The following CEP350 variants were observed in gnomAD, a reference collection of about 807,000 sequenced individuals.
CEP350 encodes centrosome-associated protein 350.
In CEP350, 126 loss-of-function variants were observed where a neutral mutation model predicts 331.8. The ratio of observed to expected loss-of-function variants is 0.38; its 90% CI spans 0.33 to 0.44. The LOEUF (loss-of-function observed/expected upper bound fraction) is 0.44, where lower values mean the gene tolerates loss of function less well. Among genes scored for constraint, CEP350 ranks in the 20% least tolerant of loss-of-function variants. The pLI, the probability that CEP350 is intolerant of heterozygous loss-of-function variation, is 1.00. For synonymous variants in CEP350, 1,200 were observed against 1,259.5 expected (o/e 0.95, Z 1.00); for missense variants, 3,406 against 3,634.6 (o/e 0.94, Z 1.62).
In CEP350 at chr1:179,990,579, A is replaced by G. The variant is rs764377285; in HGVS notation, c.193A>G (p.Lys65Glu). The G allele has an allele frequency of 1.1e-5, 17 of 1,605,508 alleles. No homozygotes were observed. Among genetic ancestry groups the G allele is most frequent in the Non-Finnish European group, 1.2e-5 (14 of 1,175,324 alleles). ...TGTGTGTGATTCTGTCATGGATACC[A>G]AGAAGTCTTCTACAAGTGCTACTCG... is the stretch of plus-strand genomic sequence containing the variant. ...TAVCDSVMDT[K>E]KSSTSATRKI... Residue 65 changes from lysine (K) to glutamate (E), a missense_variant, in exon 4 of 38, where the codon AAG becomes GAG. Lys to Glu is a moderately conservative substitution (Grantham distance 56, BLOSUM62 1). Coordinates refer to ENST00000367607, the MANE Select transcript of CEP350 (RefSeq NM_014810.5).
chr1:179,977,700 A>G (rs1420995982), intron 1 of CEP350, among the ~76,000 whole-genome samples: 2 of 152,192 alleles, frequency 1.3e-5, no homozygotes, highest in East Asian at 3.8e-4. Context: ...TAGACTTTAT[A>G]AACACTGTGC....
chr1:180,057,750 T>A (rs936489368), intron 25 of CEP350, among the ~76,000 whole-genome samples: 2 of 152,160 alleles, frequency 1.3e-5, no homozygotes, highest in Admixed American at 1.3e-4. Flanking sequence ...GGGTTAGGGT[T>A]AGGTTGTAGA....
At chr1:180,048,460 C>A in intron 21 of CEP350, 76 bp from the exon 22 acceptor site, 1 of 946,462 alleles carries the variant, frequency 1.1e-6, no homozygotes, top group Non-Finnish European at 1.6e-6. Context: ...GTCATTTGGC[C>A]AAATAAGTTT....
At chr1:180,013,778 G>A (rs1420787798) in intron 9 of CEP350, 69 bp from the exon 10 acceptor site, 3 of 1,301,336 alleles carry the variant, frequency 2.3e-6, no homozygotes, top group South Asian at 3.0e-5. Context: ...TAATTTTCTT[G>A]TTAATGCAGT....
At chr1:179,965,905 C>A (rs1415485659) in intron 1 of CEP350, among the ~76,000 whole-genome samples, 1 of 152,068 alleles carries the variant, frequency 6.6e-6, no homozygotes, top group African/African-American at 2.4e-5. Context: ...GGATTACAGG[C>A]ATGAGCCACT....
At chr1:180,018,069 G>A (rs992329144) in intron 11 of CEP350, among the ~76,000 whole-genome samples, 2 of 152,142 alleles carry the variant, frequency 1.3e-5, no homozygotes, top group African/African-American at 2.4e-5. Context: ...GCAGTGGCAC[G>A]ATCATAGCTT....
rs201221540 is a variant in CEP350, at chr1:180,014,104, T to C, written c.1651T>C (p.Leu551=). ...CACTGCAAAGCAAGATACTGTAGAGTTACAGAACCAGAAGTCATCAGCACC... is the reference window on the plus strand; with the variant it reads ...CACTGCAAAGCAAGATACTGTAGAGCTACAGAACCAGAAGTCATCAGCACC... The part of the protein sequence containing the change: ...AHTAKQDTVE[L]QNQKSSAPVH... The change falls in exon 10 of 38, where the codon TTA becomes CTA. Residue 551 remains leucine (L), a synonymous_variant. Transcript: ENST00000367607. 17 of 1,610,732 alleles carry C rather than the reference T, an allele frequency of 1.1e-5. No individual in the cohort carries two copies. Among genetic ancestry groups the C allele is most frequent in the Non-Finnish European group, 1.4e-5 (16 of 1,178,540 alleles).
chr1:180,051,043 G>A (rs906373419), intron 22 of CEP350, among the ~76,000 whole-genome samples: 3 of 152,174 alleles, frequency 2.0e-5, no homozygotes, highest in Non-Finnish European at 2.9e-5. Context: ...TTTACCAAGT[G>A]ATTTGAAAAC....
At chr1:180,007,255 A>G (rs977614724) in intron 8 of CEP350, among the ~76,000 whole-genome samples, 10 of 152,146 alleles carry the variant, frequency 6.6e-5, no homozygotes, top group Non-Finnish European at 1.2e-4. Flanking sequence ...GTTTCTCCAC[A>G]TTCTCTCCAG....
At chr1:180,050,878 A>G (rs933536043) in intron 22 of CEP350, among the ~76,000 whole-genome samples, 5 of 152,204 alleles carry the variant, frequency 3.3e-5, no homozygotes, top group African/African-American at 1.2e-4. Context: ...TAGAATGGCT[A>G]TCAGAAAAAC....
At chr1:179,988,591 A>G (rs71630248) in intron 3 of CEP350, among the ~76,000 whole-genome samples, 2,222 of 151,848 alleles carry the variant, frequency 0.015, 28 homozygotes, top group Non-Finnish European at 0.022. Flanking sequence ...ACCTGTTCCC[A>G]TTTGTGTTCT....
chr1:180,079,509 T>C (rs1659431292), intron 29 of CEP350, among the ~76,000 whole-genome samples: 1 of 151,842 alleles, frequency 6.6e-6, no homozygotes, highest in Non-Finnish European at 1.5e-5. Flanking sequence ...CTATTAAATA[T>C]TATGTTAAAA....
chr1:179,975,868 G>A (rs1177702804), intron 1 of CEP350, among the ~76,000 whole-genome samples: 2 of 152,162 alleles, frequency 1.3e-5, no homozygotes, highest in Non-Finnish European at 2.9e-5. Flanking sequence ...ATGAAAGTAC[G>A]TGAGGTTGCC....
Position 180,024,567 on chromosome 1 carries a change from A to G in CEP350, c.3535A>G (p.Lys1179Glu). 1.9e-6 allele frequency: 3 copies of G among 1,611,380 alleles called. No homozygotes were observed. The highest frequency in any genetic ancestry group is 2.5e-6 in the Non-Finnish European group (3 of 1,178,858). Residue 1179 changes from lysine to glutamate, a missense_variant, in exon 14 of 38, where the codon AAG (lysine) becomes GAG (glutamate). Coordinates refer to ENST00000367607, the MANE Select transcript of CEP350 (RefSeq NM_014810.5). Reference sequence around the variant, plus strand: ...TTCTTCTAAAGGAAAGAAAGGAAAAAAGGAAAAGACAGAATGTAAGTGGAA... The same window carrying G: ...TTCTTCTAAAGGAAAGAAAGGAAAAGAGGAAAAGACAGAATGTAAGTGGAA... ...STSSKGKKGKKEKTEWLDSFT... is the reference protein window; with the variant it reads ...STSSKGKKGKEEKTEWLDSFT...
chr1:179,985,239 G>T (rs1298859968), intron 1 of CEP350, among the ~76,000 whole-genome samples: 4 of 152,040 alleles, frequency 2.6e-5, no homozygotes, highest in Non-Finnish European at 5.9e-5. Flanking sequence ...TCATGTAAGT[G>T]GCACCATACA....
chr1:179,971,025 G>GT (rs796798724), intron 1 of CEP350, among the ~76,000 whole-genome samples: 16 of 146,204 alleles, frequency 1.1e-4, no homozygotes, highest in African/African-American at 4.2e-4. Context: ...TTTTGTTGTT[G>GT]TTGTTTGTTT....
chr1:180,012,111 T>G (rs1479065172), intron 9 of CEP350, 36 bp downstream of exon 9: 1 of 1,505,388 alleles, frequency 6.6e-7, no homozygotes, highest in African/African-American at 1.4e-5. Flanking sequence ...GAGAAAACAA[T>G]TAAAAATTGC....
At chr1:180,033,754 T>C in intron 15 of CEP350, 108 bp from the exon 16 acceptor site, 1 of 1,133,780 alleles carries the variant, frequency 8.8e-7, no homozygotes, top group Non-Finnish European at 1.2e-6. Context: ...TCACAACTTT[T>C]TAAAGCTAAT....
At chr1:180,029,759 T>C (rs985280605) in intron 14 of CEP350, among the ~76,000 whole-genome samples, 3 of 152,152 alleles carry the variant, frequency 2.0e-5, no homozygotes, top group African/African-American at 7.2e-5. Flanking sequence ...TCATGATCAC[T>C]ATCTATCTCC....
Sources: gnomAD v4.1 joint callset for allele counts (sites outside exome capture counted in the v4.1 genomes callset) on GRCh38, gnomAD v4.1.1 for gene constraint, MANE v1.5 for transcripts, NCBI Gene and HGNC (gene_info 2026-07-23, HGNC 2026-07-21) for gene names.